Variants in TMEM178A observed in about 807,000 individuals in gnomAD.
The protein encoded by TMEM178A is transmembrane protein 178.
TMEM178A carries 12 observed loss-of-function variants against 29.1 expected under a neutral mutation model. The observed-to-expected ratio is 0.41, with a 90% CI of 0.26 to 0.67. TMEM178A has a LOEUF of 0.67. TMEM178A is among the 30% of genes least tolerant of loss of function. TMEM178A has a pLI of 0.29. For synonymous variants in TMEM178A, 210 were observed against 187.2 expected (o/e 1.12, Z -0.99); for missense variants, 366 against 419.1 (o/e 0.87, Z 1.11).
chr2:39,732,340 G>A, the TMEM178A span, among the ~76,000 whole-genome samples: 1 of 152,152 alleles, frequency 6.6e-6, no homozygotes, highest in Non-Finnish European at 1.5e-5. Context: ...ATGAGGGAGG[G>A]GTGAGTGTGG....
chr2:39,708,732 G>T (rs1486902388), intron 3 of TMEM178A, among the ~76,000 whole-genome samples: 1 of 152,104 alleles, frequency 6.6e-6, no homozygotes, highest in African/African-American at 2.4e-5. Flanking sequence ...TTAAAGAAGG[G>T]ATTGGAAAGA....
At position 39,666,310 on chromosome 2, in the gene TMEM178A, G is replaced by T. The variant is rs769270706; in HGVS notation, c.336G>T (p.Ser112=). 1 of 1,444,530 alleles carries T rather than the reference G, an allele frequency of 6.9e-7. No homozygotes were observed. The highest frequency in any genetic ancestry group is 3.1e-5 in the East Asian group (1 of 32,440). 89.5% of individuals were successfully genotyped at this position (1,444,530 alleles called of 1,614,324 possible). A position where few individuals can be genotyped will look rare whatever the true frequency, so the allele number is the denominator to read the frequency against. Residue 112 remains serine, a synonymous_variant, in exon 1 of 4, where the codon TCG becomes TCT. Coordinates refer to ENST00000281961, the MANE Select transcript of TMEM178A (RefSeq NM_152390.3). ...GCCGGCCCCTCTTCGCCACCTACTC[G>T]GGCCTCTGGAGGAAGTGCTACTTCC... is the stretch of plus-strand genomic sequence containing the variant. The part of the protein sequence containing the change: ...ECGRPLFATY[S]GLWRKCYFLG...
chr2:39,713,534 G>A (rs1444061057), intron 3 of TMEM178A, among the ~76,000 whole-genome samples: 1 of 152,182 alleles, frequency 6.6e-6, no homozygotes, highest in Non-Finnish European at 1.5e-5. Flanking sequence ...GTCCTTATAA[G>A]GAGATTTGGT....
At chr2:39,677,092 A>T (rs1558444470) in intron 1 of TMEM178A, among the ~76,000 whole-genome samples, 1 of 152,196 alleles carries the variant, frequency 6.6e-6, no homozygotes. Flanking sequence ...AATTTAATAC[A>T]CATTGGATTG....
rs142081744 is a variant in TMEM178A at position 39,679,675 on chromosome 2, G to A, written c.400+13301G>A. Reference sequence around the variant, plus strand: ...CTTAGTAGGGCAGTTTTCAGAAGACGGAAACTCAATATATTGGTCATACTT... The same window carrying A: ...CTTAGTAGGGCAGTTTTCAGAAGACAGAAACTCAATATATTGGTCATACTT... On this transcript the variant is annotated intron_variant, in intron 1 of 3. Transcript: ENST00000281961. 2.7e-3 allele frequency among the ~76,000 whole-genome samples: 417 copies of A among 152,208 alleles called. 5 individuals are homozygous for A. Among genetic ancestry groups the A allele is most frequent in the African/African-American group, 9.5e-3 (393 of 41,536 alleles).
rs17024174 is a variant in TMEM178A, at chr2:39,705,290, T to C, written c.514+1096T>C. Among the ~76,000 whole-genome samples the C allele has an allele frequency of 5.3e-3, 801 of 152,336 alleles. 7 individuals carry two copies. Among genetic ancestry groups the C allele is most frequent in the African/African-American group, 0.017 (724 of 41,552 alleles). On this transcript the variant is annotated intron_variant, in intron 2 of 3. Coordinates refer to ENST00000281961, the MANE Select transcript of TMEM178A (RefSeq NM_152390.3). Reference sequence around the variant, plus strand: ...ATGTCTATTTCTAAGAAAGTCACACTTGGTGATCTGTAGCACATTTACTAT... The same window carrying C: ...ATGTCTATTTCTAAGAAAGTCACACCTGGTGATCTGTAGCACATTTACTAT...
At chr2:39,676,834 C>T (rs982013546) in intron 1 of TMEM178A, among the ~76,000 whole-genome samples, 2 of 152,080 alleles carry the variant, frequency 1.3e-5, no homozygotes, top group Non-Finnish European at 2.9e-5. Flanking sequence ...TTTCTTCCAG[C>T]TTTTCCAGAT....
At chr2:39,719,413 C>T (rs1034922994), downstream of TMEM178A, among the ~76,000 whole-genome samples, 4 of 152,166 alleles carry the variant, frequency 2.6e-5, no homozygotes, top group Non-Finnish European at 4.4e-5. Flanking sequence ...AGATTTGCCT[C>T]GAAGCCAGGG....
At chr2:39,723,250 C>G in the TMEM178A span, among the ~76,000 whole-genome samples, 4 of 152,274 alleles carry the variant, frequency 2.6e-5, no homozygotes, top group Non-Finnish European at 5.9e-5. Flanking sequence ...AATTCATTCC[C>G]CACAGGTAAA....
intron 1 of TMEM178A, among the ~76,000 whole-genome samples, chr2:39,684,212 C>T (rs1396263923): frequency 6.6e-6 from 1 of 152,078 alleles, no homozygotes; most frequent in African/African-American, 2.4e-5. Context: ...ATATCAGGTG[C>T]TATCAAAATG....
intron 3 of TMEM178A, among the ~76,000 whole-genome samples, chr2:39,708,142 C>A (rs1672120391): frequency 6.6e-6 from 1 of 152,148 alleles, no homozygotes; most frequent in Non-Finnish European, 1.5e-5. Context: ...CAGGGAAGAT[C>A]TTGCTGAGGT....
At chr2:39,704,923 A>G (rs1041440208) in intron 2 of TMEM178A, among the ~76,000 whole-genome samples, 2 of 152,242 alleles carry the variant, frequency 1.3e-5, no homozygotes, top group African/African-American at 2.4e-5. Context: ...CCACTGTAGA[A>G]AACTAATCAG....
At chr2:39,677,385 C>G (rs889586746) in intron 1 of TMEM178A, among the ~76,000 whole-genome samples, 2 of 152,156 alleles carry the variant, frequency 1.3e-5, no homozygotes, top group African/African-American at 4.8e-5. Context: ...ATTACAACTT[C>G]CCAGTGCATC....
At chr2:39,718,986 G>T (rs987941933), downstream of TMEM178A, among the ~76,000 whole-genome samples, 1 of 152,186 alleles carries the variant, frequency 6.6e-6, no homozygotes, top group African/African-American at 2.4e-5. Flanking sequence ...TACTCCCAAA[G>T]GATAGAGTCT....
chr2:39,687,448 C>T (rs1289470463), intron 1 of TMEM178A: 2 of 167,040 alleles, frequency 1.2e-5, no homozygotes, highest in Admixed American at 1.3e-4. Context: ...TAACTCCCAC[C>T]CCTGATGTGG....
chr2:39,716,777 T>A (rs1453660295), intron 3 of TMEM178A, among the ~76,000 whole-genome samples: 1 of 152,128 alleles, frequency 6.6e-6, no homozygotes, highest in Non-Finnish European at 1.5e-5. Context: ...TTATCAGAAT[T>A]TTCCTGTCTC....
At chr2:39,692,350 T>G (rs1424635579) in intron 1 of TMEM178A, among the ~76,000 whole-genome samples, 2 of 152,224 alleles carry the variant, frequency 1.3e-5, no homozygotes, top group African/African-American at 4.8e-5. Context: ...AAAGGGTAAC[T>G]ATGTGGTGTG....
At chr2:39,713,228 A>G (rs1181889613) in intron 3 of TMEM178A, among the ~76,000 whole-genome samples, 1 of 152,236 alleles carries the variant, frequency 6.6e-6, no homozygotes, top group African/African-American at 2.4e-5. Flanking sequence ...ATATACCAGA[A>G]CTAGGCTTGG....
intron 3 of TMEM178A, among the ~76,000 whole-genome samples, chr2:39,714,368 A>C (rs1379041858): frequency 6.6e-6 from 1 of 152,130 alleles, no homozygotes; most frequent in Non-Finnish European, 1.5e-5. Context: ...AAAAAAACTT[A>C]ACTGGCATAG....
Sources: allele counts gnomAD v4.1 joint callset (sites outside exome capture counted in the v4.1 genomes callset), GRCh38; gene constraint gnomAD v4.1.1; transcripts MANE v1.5; gene names NCBI Gene and HGNC (gene_info 2026-07-23, HGNC 2026-07-21).